Variants in R3HDML observed in about 807,000 individuals in gnomAD.
The protein encoded by R3HDML is peptidase inhibitor R3HDML.
A neutral mutation model predicts 24.2 loss-of-function variants in R3HDML; 21 were observed. The ratio of observed to expected loss-of-function variants is 0.87; its 90% CI spans 0.62 to 1.25. The LOEUF (loss-of-function observed/expected upper bound fraction) is 1.25, where lower values mean the gene tolerates loss of function less well. Among genes scored for constraint, R3HDML ranks in the 50% most tolerant of loss-of-function variants. R3HDML has a pLI of 0.00. For missense variants in R3HDML, 301 were observed against 340.3 expected, an observed-to-expected ratio of 0.88 and a Z score of 0.91; for synonymous variants, 133 against 131.5, an observed-to-expected ratio of 1.01 and a Z score of -0.08.
rs371296667 is a variant in R3HDML at position 44,341,324 on chromosome 20, C to T, written c.380+10C>T. Reference sequence around the variant, plus strand: ...CCATCCATTCTGGCCAGTGAGTGACCCTCTGCCCTTCCTTCACTCAGTCAT... The same window carrying T: ...CCATCCATTCTGGCCAGTGAGTGACTCTCTGCCCTTCCTTCACTCAGTCAT... On this transcript the variant is annotated intron_variant, in intron 2 of 4. Coordinates refer to ENST00000217043, the MANE Select transcript of R3HDML (RefSeq NM_178491.4). The T allele has an allele frequency of 1.1e-4, 169 of 1,586,930 alleles. No homozygotes were observed. Among genetic ancestry groups the T allele is most frequent in the Non-Finnish European group, 1.4e-4 (162 of 1,156,462 alleles).
rs372375642 is a variant in R3HDML, at chr20:44,339,245, C to T, written c.261+1827C>T. On this transcript the variant is annotated intron_variant, in intron 1 of 4. Coordinates refer to ENST00000217043, the MANE Select transcript of R3HDML (RefSeq NM_178491.4). ...CCGCAAGAAAGTTTGGCTCCCATTTCTCACTCTCACACCGACCAGGACTGT... is the reference window on the plus strand; with the variant it reads ...CCGCAAGAAAGTTTGGCTCCCATTTTTCACTCTCACACCGACCAGGACTGT... 1.1e-4 allele frequency among the ~76,000 whole-genome samples: 17 copies of T among 152,170 alleles called. No homozygotes were observed. The East Asian group carries it at 3.3e-3, about 29-fold the overall frequency.
At chr20:44,343,534 C>T (rs541845006) in intron 3 of R3HDML, 25 bp downstream of exon 3, 2 of 1,565,816 alleles carry the variant, frequency 1.3e-6, no homozygotes, top group African/African-American at 1.4e-5. Context: ...GGGCTGAGGG[C>T]CCCTGGGATA....
At chr20:44,344,384 G>A (rs1320584670) in intron 3 of R3HDML, among the ~76,000 whole-genome samples, 2 of 152,102 alleles carry the variant, frequency 1.3e-5, no homozygotes, top group African/African-American at 4.8e-5. Context: ...TGAGGTTGTG[G>A]TGAGCTATGA....
intron 1 of R3HDML, among the ~76,000 whole-genome samples, chr20:44,340,403 A>G (rs1422480395): frequency 6.6e-6 from 1 of 152,212 alleles, no homozygotes; most frequent in East Asian, 1.9e-4. Flanking sequence ...GATATCTTAC[A>G]TATTAAAATT....
intron 2 of R3HDML, among the ~76,000 whole-genome samples, chr20:44,342,551 T>G (rs1474475182): frequency 6.6e-6 from 1 of 152,254 alleles, no homozygotes; most frequent in Non-Finnish European, 1.5e-5. Context: ...GACACGAAGC[T>G]GTGCTGTCGT....
rs1412193727 is a variant in R3HDML, at chr20:44,350,974, C to T, written c.*182C>T. ...ACATGGGTCAAAAGAAAATGACCTCCTTGCCTTCCTTCTTTCCTAGTTGCA... is the reference window on the plus strand; with the variant it reads ...ACATGGGTCAAAAGAAAATGACCTCTTTGCCTTCCTTCTTTCCTAGTTGCA... On this transcript the variant is annotated 3_prime_UTR_variant, in exon 5 of 5. Transcript: ENST00000217043. 2 of 588,306 alleles carry T rather than the reference C, an allele frequency of 3.4e-6. No homozygotes were observed. The highest frequency in any genetic ancestry group is 3.7e-5 in the Admixed American group (1 of 26,882). 36.4% of individuals were successfully genotyped at this position (588,306 alleles called of 1,614,324 possible).
At chr20:44,340,554 G>A (rs1017162344) in intron 1 of R3HDML, among the ~76,000 whole-genome samples, 1 of 152,228 alleles carries the variant, frequency 6.6e-6, no homozygotes, top group African/African-American at 2.4e-5. Context: ...CAGCACTTTG[G>A]GATGCTGAGG....
At position 44,344,297 on chromosome 20, in the gene R3HDML, T is replaced by C. The variant is rs527341086; in HGVS notation, c.513+788T>C. Among the ~76,000 whole-genome samples, 188 of 143,366 alleles carry C rather than the reference T, an allele frequency of 1.3e-3. 1 individual carries two copies. The highest frequency in any genetic ancestry group is 4.6e-3 in the African/African-American group (181 of 39,258). The allele number at this position is 143,366 out of a possible 152,430, so 94.1% of individuals were successfully genotyped here. A position where few individuals can be genotyped will look rare whatever the true frequency, so the allele number is the denominator to read the frequency against. On this transcript the variant is annotated intron_variant, in intron 3 of 4. Transcript: ENST00000217043. ...CTCCGTCTCAAAAAAAAAAAAAAAG[T>C]GAAGCTTGGTGGTGCACACCTTTAG...
At chr20:44,344,579 C>T (rs2146111408) in intron 3 of R3HDML, among the ~76,000 whole-genome samples, 1 of 152,118 alleles carries the variant, frequency 6.6e-6, no homozygotes, top group South Asian at 2.1e-4. Flanking sequence ...GTCAGGAGTT[C>T]AAGACCAGCC....
intron 1 of R3HDML, 62 bp from the exon 2 acceptor site, chr20:44,341,133 TG>T: frequency 7.2e-7 from 1 of 1,380,424 alleles, no homozygotes; most frequent in Non-Finnish European, 1.0e-6. Context: ...TGTGCATCTC[TG>T]GACACAGTTG....
intron 4 of R3HDML, 44 bp downstream of exon 4, chr20:44,345,422 G>A: frequency 7.2e-7 from 1 of 1,397,728 alleles, no homozygotes; most frequent in African/African-American, 1.4e-5. Flanking sequence ...GGGCCGGCGG[G>A]TGGGTCCTGA....
intron 4 of R3HDML, among the ~76,000 whole-genome samples, chr20:44,348,447 TTCCTTTC>T (rs1404747198): frequency 6.7e-6 from 1 of 149,800 alleles, no homozygotes; most frequent in Non-Finnish European, 1.5e-5. Context: ...TTTTCCCTTT[TTCCTTTC>T]CCTTTTCCCC....
intron 3 of R3HDML, 22 bp from the exon 4 acceptor site, chr20:44,345,241 C>G: frequency 6.2e-7 from 1 of 1,602,548 alleles, no homozygotes; most frequent in Non-Finnish European, 8.6e-7. Context: ...TCATAGCCCC[C>G]TCTGTCTCTG....
chr20:44,337,256 G>A lies in R3HDML; in HGVS notation c.99G>A (p.Pro33=), dbSNP rs758865472. The A allele has an allele frequency of 2.7e-5, 44 of 1,613,958 alleles. No homozygotes were observed. Among genetic ancestry groups the A allele is most frequent in the East Asian group, 6.7e-5 (3 of 44,900 alleles). ...TAATGCCTAATGCTACCCCAGCCCC[G>A]GCCCAGCCCGAGAGCACGGCTATGC... The part of the protein sequence containing the change: ...ALIMPNATPA[P]AQPESTAMRL... The change falls in exon 1 of 5, where the codon CCG becomes CCA. Residue 33 remains proline, a synonymous_variant. Coordinates refer to ENST00000217043, the MANE Select transcript of R3HDML (RefSeq NM_178491.4). The surrounding 1 kb of genome is among the most constrained non-coding windows in gnomAD (Gnocchi z 4.7).
intron 4 of R3HDML, among the ~76,000 whole-genome samples, chr20:44,348,185 T>G (rs1223183111): frequency 6.6e-6 from 1 of 152,122 alleles, no homozygotes; most frequent in Non-Finnish European, 1.5e-5. Context: ...GTGATCTTAC[T>G]TAACTTCTCT....
intron 1 of R3HDML, among the ~76,000 whole-genome samples, chr20:44,339,396 G>A (rs2062766185): frequency 6.6e-6 from 1 of 152,126 alleles, no homozygotes; most frequent in African/African-American, 2.4e-5. Context: ...AGTCAGAGAT[G>A]GAAGGGAACT....
In R3HDML at chr20:44,337,326, C is replaced by T; in HGVS notation, c.169C>T (p.His57Tyr). ...LEVPRYRRKR[H>Y]ISVRDMNALL... ...GGTGCCCAGGTACCGCCGGAAGCGCCACATCTCTGTGAGAGACATGAATGC... is the reference window on the plus strand; with the variant it reads ...GGTGCCCAGGTACCGCCGGAAGCGCTACATCTCTGTGAGAGACATGAATGC... The change falls in exon 1 of 5, where the codon CAC becomes TAC. Residue 57 changes from histidine to tyrosine, a missense_variant. Transcript: ENST00000217043. The surrounding 1 kb of genome is among the most constrained non-coding windows in gnomAD (Gnocchi z 4.7). The T allele has an allele frequency of 1.2e-6, 2 of 1,614,234 alleles. No homozygotes were observed. Among genetic ancestry groups the T allele is most frequent in the Non-Finnish European group, 1.7e-6 (2 of 1,180,044 alleles).
intron 4 of R3HDML, among the ~76,000 whole-genome samples, 163 bp downstream of exon 4, chr20:44,345,541 C>T (rs936197796): frequency 1.1e-4 from 16 of 152,018 alleles, no homozygotes; most frequent in African/African-American, 2.4e-4. Context: ...TGGTGGCTCA[C>T]GCCTGAAATC....
chr20:44,348,179 TCTTA>T lies in R3HDML; in HGVS notation c.630-2476_630-2473del, dbSNP rs556779955. Among the ~76,000 whole-genome samples, 435 of 152,216 alleles carry T rather than the reference TCTTA, an allele frequency of 2.9e-3. 5 individuals carry two copies. Among genetic ancestry groups the T allele is most frequent in the African/African-American group, 9.3e-3 (387 of 41,546 alleles). Reference sequence around the variant, plus strand: ...AGACTACCAGGGTTCAAATGTGTGATCTTACTTAACTTCTCTACTCCTGTTTCTT... The same window carrying T: ...AGACTACCAGGGTTCAAATGTGTGATCTTAACTTCTCTACTCCTGTTTCTT... On this transcript the variant is annotated intron_variant, in intron 4 of 4. Coordinates refer to ENST00000217043, the MANE Select transcript of R3HDML (RefSeq NM_178491.4).
Sources: gnomAD v4.1 joint callset for allele counts (sites outside exome capture counted in the v4.1 genomes callset) on GRCh38, gnomAD v4.1.1 for gene constraint, Gnocchi (gnomAD v3.1) non-coding constraint, MANE v1.5 for transcripts, NCBI Gene and HGNC (gene_info 2026-07-23, HGNC 2026-07-21) for gene names.